Variants in P2RY8 observed in about 807,000 individuals in gnomAD.
P2RY8 encodes the protein S-geranylgeranyl-glutathione receptor P2RY8.
A neutral mutation model predicts 10.0 loss-of-function variants in P2RY8; 6 were observed. The ratio of observed to expected loss-of-function variants is 0.60; its 90% CI spans 0.33 to 1.19. The LOEUF (loss-of-function observed/expected upper bound fraction) is 1.19. Ranked by LOEUF, P2RY8 falls within the 50% of genes most tolerant of loss-of-function variation. The pLI is 0.04. For synonymous variants in P2RY8, 276 were observed against 252.5 expected, an observed-to-expected ratio of 1.09 and a Z score of -0.88; for missense variants, 456 against 542.0, an observed-to-expected ratio of 0.84 and a Z score of 1.58.
At chrX:1,473,663 GATGGATGGGTGGA>G (rs2091830238) in intron 1 of P2RY8, among the ~76,000 whole-genome samples, 1 of 114,252 alleles carries the variant, frequency 8.8e-6, no homozygotes, top group Admixed American at 8.9e-5. Context: ...TTGATGGGTA[GATGGATGGGTGGA>G]TGTATAGATG....
intron 1 of P2RY8, among the ~76,000 whole-genome samples, chrX:1,473,152 G>A (rs2091816311): frequency 6.6e-6 from 1 of 151,122 alleles, no homozygotes; most frequent in Non-Finnish European, 1.5e-5. Flanking sequence ...TGGGTGGGTG[G>A]ATGGATAGAT....
chrX:1,474,351 A>G (rs1287852450), intron 1 of P2RY8, among the ~76,000 whole-genome samples: 70 of 104,300 alleles, frequency 6.7e-4, no homozygotes, highest in Middle Eastern at 7.1e-3. Context: ...GTGTGGATGG[A>G]TGGATGGATG....
Position 1,462,807 on chromosome X carries a change from A to T in P2RY8, c.*2672T>A. 1 of 232,974 alleles carries T rather than the reference A, an allele frequency of 4.3e-6. No individual in the cohort carries two copies. The highest frequency in any genetic ancestry group is 8.5e-6 in the Non-Finnish European group (1 of 117,940). 14.4% of individuals were successfully genotyped at this position (232,974 alleles called of 1,614,324 possible). On this transcript the variant is annotated 3_prime_UTR_variant, in exon 2 of 2. Transcript: ENST00000381297. ...TCCATGTCCTGCCAAGAACAGAAGT[A>T]AAGTTTTCCATCTTAAAACATGTGT... is the stretch of plus-strand genomic sequence containing the variant.
intron 1 of P2RY8, among the ~76,000 whole-genome samples, chrX:1,478,010 C>T (rs1316440192): frequency 1.3e-5 from 2 of 152,114 alleles, no homozygotes; most frequent in Non-Finnish European, 2.9e-5. Flanking sequence ...ACCTCCCACC[C>T]CATCACAGAG....
At chrX:1,526,210 A>G (rs2092439124) in intron 1 of P2RY8, among the ~76,000 whole-genome samples, 1 of 151,178 alleles carries the variant, frequency 6.6e-6, no homozygotes, top group African/African-American at 2.4e-5. Flanking sequence ...TCATCCATCC[A>G]TCTGTTCATC....
At chrX:1,531,009 T>C (rs1191006550) in intron 1 of P2RY8, among the ~76,000 whole-genome samples, 1 of 152,112 alleles carries the variant, frequency 6.6e-6, no homozygotes, top group East Asian at 1.9e-4. Context: ...TGTATGTATG[T>C]ATATATCTAT....
At position 1,465,894 on chromosome X, in the gene P2RY8, C is replaced by T. The variant is rs765555908; in HGVS notation, c.665G>A (p.Arg222His). The change falls in exon 2 of 2, where the codon CGC becomes CAC. Residue 222 changes from arginine (R) to histidine (H), a missense_variant. Arg to His is a conservative substitution (Grantham distance 29). Coordinates refer to ENST00000381297, the MANE Select transcript of P2RY8 (RefSeq NM_178129.5). ...CYTATILKLLRTEEAHGREQR... is the reference protein window; with the variant it reads ...CYTATILKLLHTEEAHGREQR... Reference sequence around the variant, plus strand: ...CTCCCGGCCGTGCGCCTCCTCCGTGCGCAACAGCTTGAGGATGGTGGCCGT... The same window carrying T: ...CTCCCGGCCGTGCGCCTCCTCCGTGTGCAACAGCTTGAGGATGGTGGCCGT... 2.5e-6 allele frequency: 4 copies of T among 1,612,378 alleles called. No individual in the cohort carries two copies. The highest frequency in any genetic ancestry group is 2.2e-5 in the East Asian group (1 of 44,890).
intron 1 of P2RY8, among the ~76,000 whole-genome samples, chrX:1,484,659 C>T (rs1330025289): frequency 1.5e-5 from 2 of 131,650 alleles, no homozygotes; most frequent in African/African-American, 5.7e-5. Flanking sequence ...ACCCGGGAGG[C>T]GGAGGTTGCA....
At chrX:1,494,825 C>A (rs1294651988) in intron 1 of P2RY8, among the ~76,000 whole-genome samples, 1 of 152,096 alleles carries the variant, frequency 6.6e-6, no homozygotes, top group African/African-American at 2.4e-5. Flanking sequence ...GCCTCAGCCT[C>A]CCAAGTAGCT....
intron 1 of P2RY8, among the ~76,000 whole-genome samples, chrX:1,488,925 C>T (rs753712225): frequency 2.0e-5 from 3 of 151,720 alleles, no homozygotes; most frequent in African/African-American, 7.3e-5. Context: ...GGTTCACTCC[C>T]ACAAATGTGG....
intron 1 of P2RY8, among the ~76,000 whole-genome samples, chrX:1,469,495 A>G (rs1395631133): frequency 6.6e-6 from 1 of 151,962 alleles, no homozygotes; most frequent in Non-Finnish European, 1.5e-5. Context: ...TATGCTTTGC[A>G]GGTAAATGCA....
chrX:1,523,551 G>A (rs1428035350), intron 1 of P2RY8, among the ~76,000 whole-genome samples: 3 of 152,112 alleles, frequency 2.0e-5, no homozygotes, highest in Non-Finnish European at 4.4e-5. Context: ...AAGTGGGAGC[G>A]ATTGCAAATA....
intron 1 of P2RY8, among the ~76,000 whole-genome samples, chrX:1,489,049 C>A (rs192641109): frequency 6.6e-6 from 1 of 151,508 alleles, no homozygotes; most frequent in African/African-American, 2.4e-5. Context: ...ATGAATGACA[C>A]CCAGAGATTC....
At chrX:1,482,816 C>T (rs2091949907) in intron 1 of P2RY8, among the ~76,000 whole-genome samples, 1 of 151,594 alleles carries the variant, frequency 6.6e-6, no homozygotes, top group South Asian at 2.1e-4. Flanking sequence ...AGCTCGAAAC[C>T]ATCATTCTCA....
chrX:1,524,402 CATG>C (rs1345175022), intron 1 of P2RY8, among the ~76,000 whole-genome samples: 4,723 of 39,166 alleles, frequency 0.12, 432 homozygotes, highest in South Asian at 0.27. Context: ...TCCCTCCATC[CATG>C]CATGCATCCA....
chrX:1,532,315 T>TAC (rs200954838), intron 1 of P2RY8, among the ~76,000 whole-genome samples: 1 of 17,028 alleles, frequency 5.9e-5, no homozygotes, highest in East Asian at 4.6e-3. Context: ...GCCATATATA[T>TAC]ACACACACGT....
chrX:1,533,481 TCTTATATA>T (rs1286243972), intron 1 of P2RY8, among the ~76,000 whole-genome samples: 2 of 141,618 alleles, frequency 1.4e-5, no homozygotes, highest in Non-Finnish European at 3.0e-5. Flanking sequence ...ATTCTTTATA[TCTTATATA>T]CTTATATATT....
chrX:1,534,720 T>G (rs1448903299), intron 1 of P2RY8, among the ~76,000 whole-genome samples: 1 of 152,142 alleles, frequency 6.6e-6, no homozygotes, highest in Non-Finnish European at 1.5e-5. Flanking sequence ...GGGGGCCATC[T>G]GCCCGGGGAA....
In P2RY8 at chrX:1,498,587, G is replaced by T. The variant is rs757379368; in HGVS notation, c.-24-32005C>A. Among the ~76,000 whole-genome samples the T allele has an allele frequency of 1.7e-3, 259 of 150,990 alleles. 1 individual carries two copies. The highest frequency in any genetic ancestry group is 5.9e-3 in the African/African-American group (242 of 41,208). On this transcript the variant is annotated intron_variant, in intron 1 of 1. Coordinates refer to ENST00000381297, the MANE Select transcript of P2RY8 (RefSeq NM_178129.5). ...GGCTAGAGTGCAGTGGCACAATCTT[G>T]GTTCACTGCAACATCTGCCTCCCAG... is the stretch of plus-strand genomic sequence containing the variant.
Sources: allele counts gnomAD v4.1 joint callset (sites outside exome capture counted in the v4.1 genomes callset), GRCh38; gene constraint gnomAD v4.1.1; transcripts MANE v1.5; gene names NCBI Gene and HGNC (gene_info 2026-07-23, HGNC 2026-07-21).